RALGPS1: variants seen among roughly 807,000 people sequenced by gnomAD.
RALGPS1 encodes the protein ras-specific guanine nucleotide-releasing factor RalGPS1.
RALGPS1 carries 19 observed loss-of-function variants against 78.8 expected under a neutral mutation model. The ratio of observed to expected loss-of-function variants is 0.24; its 90% CI spans 0.17 to 0.35. The LOEUF (loss-of-function observed/expected upper bound fraction) is 0.35, where lower values mean the gene tolerates loss of function less well. Among genes scored for constraint, RALGPS1 ranks in the 10% least tolerant of loss-of-function variants. RALGPS1 has a pLI of 1.00. For synonymous variants in RALGPS1, 228 were observed against 256.3 expected (o/e 0.89, Z 1.06); for missense variants, 454 against 688.3 (o/e 0.66, Z 3.81).
rs1206497507 is a variant in RALGPS1, at chr9:127,209,793, A to C, written c.1248-2338A>C. 2.0e-5 allele frequency among the ~76,000 whole-genome samples: 3 copies of C among 152,242 alleles called. No homozygotes were observed. In the East Asian group the frequency reaches 5.8e-4, roughly 29 times the overall value. On this transcript the variant is annotated intron_variant, in intron 14 of 18. Transcript: ENST00000259351. ...TGCTGCAATGTGTGAGGGCGGCCCCACACTACCCACAGGTACTGATGTCAC... is the reference window on the plus strand; with the variant it reads ...TGCTGCAATGTGTGAGGGCGGCCCCCCACTACCCACAGGTACTGATGTCAC...
chr9:126,998,291 T>C (rs931261513), intron 4 of RALGPS1, among the ~76,000 whole-genome samples: 1 of 152,038 alleles, frequency 6.6e-6, no homozygotes, highest in Non-Finnish European at 1.5e-5. Flanking sequence ...GGCTAATACC[T>C]AGAATCTACA....
chr9:126,979,750 G>C (rs756680284), intron 4 of RALGPS1, among the ~76,000 whole-genome samples: 11 of 152,208 alleles, frequency 7.2e-5, no homozygotes, highest in Non-Finnish European at 1.5e-4. Context: ...CTTAGTTCAA[G>C]TTGTGACAAG....
intron 9 of RALGPS1, among the ~76,000 whole-genome samples, chr9:127,167,115 A>G (rs1024971411): frequency 6.6e-6 from 1 of 152,218 alleles, no homozygotes; most frequent in South Asian, 2.1e-4. Context: ...CGGAAGCACC[A>G]AAGAAGGGTG....
intron 8 of RALGPS1, among the ~76,000 whole-genome samples, chr9:127,113,540 G>A (rs780167416): frequency 3.6e-5 from 5 of 139,170 alleles, no homozygotes; most frequent in African/African-American, 5.5e-5. Context: ...TCTTAGGACT[G>A]AAGAAGAACT....
At position 127,222,727 on chromosome 9, in the gene RALGPS1, A is replaced by G. The variant is rs1193803421; in HGVS notation, c.*3958A>G. The G allele has an allele frequency of 6.5e-6, 1 of 152,686 alleles. No individual in the cohort carries two copies. The highest frequency in any genetic ancestry group is 1.5e-5 in the Non-Finnish European group (1 of 68,050). 9.5% of individuals were successfully genotyped at this position (152,686 alleles called of 1,614,324 possible). Reference sequence around the variant, plus strand: ...AACGAAGTAATAGTAATTAATTAGTATGGTATAATCTTTAATAAATTTCGT... The same window carrying G: ...AACGAAGTAATAGTAATTAATTAGTGTGGTATAATCTTTAATAAATTTCGT... On this transcript the variant is annotated 3_prime_UTR_variant, in exon 19 of 19. Coordinates refer to ENST00000259351, the MANE Select transcript of RALGPS1 (RefSeq NM_014636.3).
intron 5 of RALGPS1, among the ~76,000 whole-genome samples, chr9:127,047,594 G>T (rs1019197259): frequency 6.6e-6 from 1 of 151,952 alleles, no homozygotes; most frequent in South Asian, 2.1e-4. Flanking sequence ...AGCTACTAAG[G>T]AGGCTGAGGC....
chr9:127,196,718 G>T (rs1341675012), intron 13 of RALGPS1, 87 bp downstream of exon 13: 1 of 1,419,062 alleles, frequency 7.0e-7, no homozygotes, highest in Non-Finnish European at 9.5e-7. Flanking sequence ...ACTGTGCCAT[G>T]CCCAGTGGCG....
intron 8 of RALGPS1, among the ~76,000 whole-genome samples, chr9:127,099,627 G>A (rs1386159084): frequency 2.0e-5 from 3 of 152,184 alleles, no homozygotes; most frequent in African/African-American, 7.2e-5. Context: ...GCAGTTATTG[G>A]GGGTCTTCGA....
chr9:126,980,449 T>A (rs2041137033), intron 4 of RALGPS1, among the ~76,000 whole-genome samples: 2 of 152,226 alleles, frequency 1.3e-5, no homozygotes, highest in Non-Finnish European at 2.9e-5. Context: ...CCTTAGAGAT[T>A]CTAAATGCTT....
intron 7 of RALGPS1, among the ~76,000 whole-genome samples, chr9:127,065,953 A>G (rs946003963): frequency 6.6e-6 from 1 of 152,186 alleles, no homozygotes; most frequent in African/African-American, 2.4e-5. Context: ...GAGAAATCTG[A>G]TACTGTCTGA....
At chr9:127,039,490 G>C (rs543605233) in intron 5 of RALGPS1, among the ~76,000 whole-genome samples, 1 of 152,290 alleles carries the variant, frequency 6.6e-6, no homozygotes, top group African/African-American at 2.4e-5. Context: ...GGAGTGGCTG[G>C]AGAGTGGAGG....
intron 8 of RALGPS1, among the ~76,000 whole-genome samples, chr9:127,160,405 G>A (rs567310392): frequency 3.3e-5 from 5 of 152,200 alleles, no homozygotes; most frequent in Non-Finnish European, 7.3e-5. Flanking sequence ...GGAGCAGAAC[G>A]AGGTGAGAGC....
Position 127,177,067 on chromosome 9 carries a change from CTCTG to C in RALGPS1, c.910+2290_910+2293del, listed in dbSNP as rs760572561. Among the ~76,000 whole-genome samples the C allele has an allele frequency of 3.3e-5, 5 of 152,314 alleles. No homozygotes were observed. In the East Asian group the frequency reaches 7.7e-4, roughly 23 times the overall value. ...GCACTCACCACAACTTGTCATTATTCTCTGTCTGGTCACTGGGCCCGACTCATTC... is the reference window on the plus strand; with the variant it reads ...GCACTCACCACAACTTGTCATTATTCTCTGGTCACTGGGCCCGACTCATTC... On this transcript the variant is annotated intron_variant, in intron 11 of 18. Transcript: ENST00000259351.
chr9:126,960,640 T>C (rs949655131), intron 1 of RALGPS1, among the ~76,000 whole-genome samples: 1 of 152,132 alleles, frequency 6.6e-6, no homozygotes, highest in African/African-American at 2.4e-5. Context: ...TTTTCTTCTT[T>C]TTGAGCTACC....
chr9:127,003,156 G>A (rs1340679419), intron 4 of RALGPS1, among the ~76,000 whole-genome samples: 1 of 152,124 alleles, frequency 6.6e-6, no homozygotes, highest in Non-Finnish European at 1.5e-5. Flanking sequence ...AGGACTTCAC[G>A]TCCAAAACAC....
intron 4 of RALGPS1, among the ~76,000 whole-genome samples, chr9:127,011,496 G>A (rs62580800): frequency 0.027 from 4,178 of 152,232 alleles, 52 homozygotes; most frequent in Middle Eastern, 0.048. Context: ...ATTTTTTATG[G>A]AAGTGCACTT....
chr9:126,927,651 C>T (rs964999903), intron 1 of RALGPS1, among the ~76,000 whole-genome samples: 1 of 152,170 alleles, frequency 6.6e-6, no homozygotes, highest in African/African-American at 2.4e-5. Flanking sequence ...CCCCCTTCAG[C>T]GCCTCCCAGC....
At chr9:127,166,016 G>A (rs992412218) in intron 8 of RALGPS1, 53 bp from the exon 9 acceptor site, 2 of 1,558,592 alleles carry the variant, frequency 1.3e-6, no homozygotes, top group South Asian at 1.2e-5. Context: ...GTGCTATTTT[G>A]TTCTGGTTTG....
chr9:126,920,030 G>T (rs548557600), intron 1 of RALGPS1, among the ~76,000 whole-genome samples: 3 of 152,050 alleles, frequency 2.0e-5, no homozygotes, highest in African/African-American at 4.8e-5. Flanking sequence ...CTTTCATTCT[G>T]TGTGTACCTG....
Sources: gnomAD v4.1 joint callset for allele counts (sites outside exome capture counted in the v4.1 genomes callset) on GRCh38, gnomAD v4.1.1 for gene constraint, MANE v1.5 for transcripts, NCBI Gene and HGNC (gene_info 2026-07-23, HGNC 2026-07-21) for gene names.